Variants in GNS observed in about 807,000 individuals in gnomAD.
GNS encodes the protein glucosamine (N-acetyl)-6-sulfatase, also known as N-acetylglucosamine-6-sulfatase.
A neutral mutation model predicts 69.7 loss-of-function variants in GNS; 40 were observed. The observed-to-expected ratio is 0.57, with a 90% confidence interval of 0.45 to 0.75. GNS has a LOEUF of 0.75. Ranked by LOEUF, GNS falls within the 30% of genes least tolerant of loss-of-function variation. The pLI is 0.00. For synonymous variants in GNS, 243 were observed against 251.6 expected, an observed-to-expected ratio of 0.97 and a Z score of 0.32; for missense variants, 565 against 685.5, an observed-to-expected ratio of 0.82 and a Z score of 1.96.
intron 8 of GNS, among the ~76,000 whole-genome samples, chr12:64,738,459 C>T (rs1393209057): frequency 6.6e-6 from 1 of 152,196 alleles, no homozygotes; most frequent in Non-Finnish European, 1.5e-5. Flanking sequence ...TGGCCTCATG[C>T]AGCTGAAAAT....
chr12:64,726,837 G>C (rs1352366372), intron 10 of GNS, among the ~76,000 whole-genome samples: 1 of 151,754 alleles, frequency 6.6e-6, no homozygotes, highest in African/African-American at 2.4e-5. Flanking sequence ...ATAATAAGGA[G>C]ACTATGATAC....
At chr12:64,742,212 G>A (rs1684866384) in intron 6 of GNS, among the ~76,000 whole-genome samples, 1 of 152,078 alleles carries the variant, frequency 6.6e-6, no homozygotes. Flanking sequence ...AGTAGAGATG[G>A]GGTTTCACTG....
chr12:64,739,564 C>CAAAAAAAAA, intron 7 of GNS, 65 bp from the exon 8 acceptor site: 1 of 296,702 alleles, frequency 3.4e-6, no homozygotes, highest in Admixed American at 6.3e-5. Context: ...ACTATCTTGC[C>CAAAAAAAAA]AAAAAAAAAA....
At position 64,739,203 on chromosome 12, in the gene GNS, C is replaced by T. The variant is rs558597294; in HGVS notation, c.994+178G>A. 7.9e-5 allele frequency among the ~76,000 whole-genome samples: 12 copies of T among 152,244 alleles called. No homozygotes were observed. The East Asian group carries it at 1.9e-3, about 25-fold the overall frequency. Reference sequence around the variant, plus strand: ...CATGTGAAACAGCAAATAATGAAACCTGGTTTCTCCACGTGGGTATGATGT... The same window carrying T: ...CATGTGAAACAGCAAATAATGAAACTTGGTTTCTCCACGTGGGTATGATGT... On this transcript the variant is annotated intron_variant, in intron 8 of 13. Coordinates refer to ENST00000258145, the MANE Select transcript of GNS (RefSeq NM_002076.4).
In GNS at chr12:64,744,905, T is replaced by C. The variant is rs771492549; in HGVS notation, c.528A>G (p.Glu176=). Residue 176 remains glutamate, a splice_region_variant and synonymous_variant, in exon 5 of 14, where the codon GAA becomes GAG. Coordinates refer to ENST00000258145, the MANE Select transcript of GNS (RefSeq NM_002076.4). ...TGTAATTATAATACTTAGAATTCTT[T>C]TCCTATTAAAAAGAGGAAAGTCAAA... ...PLGWSYWYAL[E]KNSKYYNYTL... is the part of the protein sequence containing the mutation. 11 of 1,413,148 alleles carry C rather than the reference T, an allele frequency of 7.8e-6. No homozygotes were observed. Among genetic ancestry groups the C allele is most frequent in the South Asian group, 3.4e-5 (3 of 87,030 alleles). 87.5% of individuals were successfully genotyped at this position (1,413,148 alleles called of 1,614,324 possible). A position where few individuals can be genotyped will look rare whatever the true frequency, so the allele number is the denominator to read the frequency against.
At chr12:64,731,031 A>T (rs879455851) in intron 9 of GNS, among the ~76,000 whole-genome samples, 2 of 152,208 alleles carry the variant, frequency 1.3e-5, no homozygotes, top group Non-Finnish European at 2.9e-5. Flanking sequence ...CCACCTGTAT[A>T]ATGGGAGGCT....
chr12:64,723,834 G>A (rs1482110568), intron 10 of GNS, among the ~76,000 whole-genome samples: 9 of 152,200 alleles, frequency 5.9e-5, no homozygotes, highest in Non-Finnish European at 1.5e-5. Context: ...GCACAGTGAG[G>A]GTGGAGAGGC....
intron 11 of GNS, among the ~76,000 whole-genome samples, chr12:64,722,314 A>G (rs993456966): frequency 6.6e-6 from 1 of 152,162 alleles, no homozygotes; most frequent in Non-Finnish European, 1.5e-5. Context: ...CACAGTACCC[A>G]GCCCAAATGA....
At chr12:64,733,986 T>C (rs1869484311) in intron 9 of GNS, among the ~76,000 whole-genome samples, 2 of 152,222 alleles carry the variant, frequency 1.3e-5, no homozygotes, top group South Asian at 4.1e-4. Context: ...CTGATCTGGC[T>C]GTCAAGGCTG....
rs928980516 is a variant in GNS, at chr12:64,759,352, G to T, written c.-76C>A. ...ACAGGTAGCTGAAGGGCGAGAGGCC[G>T]ACCAGCCGAAGGAATAAAAAGCCGT... is the stretch of plus-strand genomic sequence containing the variant. On this transcript the variant is annotated 5_prime_UTR_variant, in exon 1 of 14. Transcript: ENST00000258145. 6.9e-6 allele frequency: 7 copies of T among 1,010,316 alleles called. No individual in the cohort carries two copies. In the Admixed American group the frequency reaches 1.5e-4, roughly 21 times the overall value. 62.6% of individuals were successfully genotyped at this position (1,010,316 alleles called of 1,614,324 possible).
intron 9 of GNS, 130 bp downstream of exon 9, chr12:64,736,874 A>C (rs1234132843): frequency 1.9e-5 from 13 of 672,144 alleles, no homozygotes; most frequent in Non-Finnish European, 3.5e-5. Flanking sequence ...CATTGTTTCC[A>C]CTTAAAAACT....
intron 12 of GNS, among the ~76,000 whole-genome samples, chr12:64,720,629 A>G (rs186278445): frequency 3.3e-4 from 50 of 152,280 alleles, no homozygotes; most frequent in Non-Finnish European, 6.8e-4. Flanking sequence ...TGAGAATGAT[A>G]TGAAAGTACT....
intron 9 of GNS, among the ~76,000 whole-genome samples, chr12:64,733,614 C>T (rs1319070614): frequency 2.0e-5 from 3 of 152,220 alleles, no homozygotes; most frequent in Non-Finnish European, 2.9e-5. Context: ...ACTTGCCCCT[C>T]AGTTCCAGCT....
At position 64,716,712 on chromosome 12, in the gene GNS, G is replaced by A. The variant is rs1203577567; in HGVS notation, c.*29C>T. ...ACTTCATCAGAAAGAGGCGTGCAGG[G>A]ATCCATCTGCAGAGGCTGTGTGAGG... is the stretch of plus-strand genomic sequence containing the variant. On this transcript the variant is annotated 3_prime_UTR_variant, in exon 14 of 14. Coordinates refer to ENST00000258145, the MANE Select transcript of GNS (RefSeq NM_002076.4). 7.3e-7 allele frequency: 1 copy of A among 1,360,768 alleles called. No homozygotes were observed. The highest frequency in any genetic ancestry group is 1.1e-6 in the Non-Finnish European group (1 of 949,040). The allele number at this position is 1,360,768 out of a possible 1,614,324, so 84.3% of individuals were successfully genotyped here.
chr12:64,734,116 T>C (rs1251430372), intron 9 of GNS, among the ~76,000 whole-genome samples: 2 of 152,200 alleles, frequency 1.3e-5, no homozygotes, highest in African/African-American at 4.8e-5. Context: ...CGACATTCTT[T>C]GTGCCAGGGG....
chr12:64,735,755 C>T (rs981536925), intron 9 of GNS, among the ~76,000 whole-genome samples: 53 of 152,272 alleles, frequency 3.5e-4, no homozygotes, highest in South Asian at 8.3e-4. Flanking sequence ...TAATGGTCTT[C>T]TAAACTTGCT....
intron 10 of GNS, among the ~76,000 whole-genome samples, chr12:64,723,921 G>C (rs1869111368): frequency 6.6e-6 from 1 of 152,196 alleles, no homozygotes; most frequent in African/African-American, 2.4e-5. Flanking sequence ...CAGGTGATGG[G>C]AAATCATAGG....
intron 9 of GNS, among the ~76,000 whole-genome samples, chr12:64,735,161 C>T (rs955048809): frequency 3.9e-5 from 6 of 152,090 alleles, no homozygotes; most frequent in Non-Finnish European, 5.9e-5. Flanking sequence ...TGCTCCTTGC[C>T]GTATGCAAGG....
chr12:64,714,538 G>C lies in GNS; in HGVS notation c.*2203C>G, dbSNP rs1868801925. On this transcript the variant is annotated 3_prime_UTR_variant, in exon 14 of 14. Coordinates refer to ENST00000258145, the MANE Select transcript of GNS (RefSeq NM_002076.4). ...AGAATTGGAAGCTATTTGAAGGTTA[G>C]ATAGGAAATATACCAAAAATAGAAG... is the stretch of plus-strand genomic sequence containing the variant. 6.6e-6 allele frequency: 1 copy of C among 152,212 alleles called. No homozygotes were observed. The highest frequency in any genetic ancestry group is 1.5e-5 in the Non-Finnish European group (1 of 68,038). 9.4% of individuals were successfully genotyped at this position (152,212 alleles called of 1,614,324 possible).
Sources: gnomAD v4.1 joint callset for allele counts (sites outside exome capture counted in the v4.1 genomes callset) on GRCh38, gnomAD v4.1.1 for gene constraint, MANE v1.5 for transcripts, NCBI Gene and HGNC (gene_info 2026-07-23, HGNC 2026-07-21) for gene names.